The following SYT9 variants were observed in gnomAD, a reference collection of about 807,000 sequenced individuals.
The protein encoded by SYT9 is synaptotagmin 9, also known as synaptotagmin-9.
In SYT9, 22 loss-of-function variants were observed where a neutral mutation model predicts 48.4. The observed-to-expected ratio is 0.45, with a 90% CI of 0.32 to 0.65. The LOEUF (loss-of-function observed/expected upper bound fraction) is 0.65, where lower values mean the gene tolerates loss of function less well. SYT9 is among the 30% of genes least tolerant of loss of function. The pLI is 0.03. For synonymous variants in SYT9, 265 were observed against 245.0 expected, an observed-to-expected ratio of 1.08 and a Z score of -0.76; for missense variants, 577 against 622.0, an observed-to-expected ratio of 0.93 and a Z score of 0.77.
intron 1 of SYT9, among the ~76,000 whole-genome samples, chr11:7,300,362 A>G (rs761732318): frequency 1.3e-5 from 2 of 152,212 alleles, no homozygotes; most frequent in African/African-American, 4.8e-5. Context: ...TGGGAGCACA[A>G]GGGACCTTTG....
chr11:7,433,387 A>G (rs1255833468), intron 6 of SYT9, among the ~76,000 whole-genome samples: 2 of 152,256 alleles, frequency 1.3e-5, no homozygotes, highest in Non-Finnish European at 2.9e-5. Flanking sequence ...AAGATTGACT[A>G]TAAATTTTAA....
intron 1 of SYT9, among the ~76,000 whole-genome samples, chr11:7,287,478 C>A (rs1848617792): frequency 6.6e-6 from 1 of 152,152 alleles, no homozygotes; most frequent in Admixed American, 6.5e-5. Flanking sequence ...AAGTTCAGAA[C>A]CCTGACCAAC....
At chr11:7,275,469 C>T (rs1848370331) in intron 1 of SYT9, among the ~76,000 whole-genome samples, 1 of 152,220 alleles carries the variant, frequency 6.6e-6, no homozygotes, top group South Asian at 2.1e-4. Flanking sequence ...ATTTGCAACA[C>T]CAAATCCCAT....
At chr11:7,247,981 C>T (rs1426058371), upstream of SYT9, among the ~76,000 whole-genome samples, 2 of 152,078 alleles carry the variant, frequency 1.3e-5, no homozygotes, top group African/African-American at 4.8e-5. Context: ...GCATCCACAC[C>T]AACATCTACT....
rs149248446 is a variant in SYT9 at position 7,277,644 on chromosome 11, A to C, written c.145+25313A>C. 4.6e-5 allele frequency among the ~76,000 whole-genome samples: 7 copies of C among 152,364 alleles called. No individual in the cohort carries two copies. The East Asian group carries it at 1.3e-3, about 29-fold the overall frequency. On this transcript the variant is annotated intron_variant, in intron 1 of 6. Transcript: ENST00000318881. ...GTTAGGCATGTGGGCAATATGACTC[A>C]ATGAATAGTTCTTCAGGATTAGTGT...
chr11:7,373,282 T>C, intron 3 of SYT9, among the ~76,000 whole-genome samples: 1 of 152,164 alleles, frequency 6.6e-6, no homozygotes, highest in East Asian at 1.9e-4. Flanking sequence ...CTAAACTTAA[T>C]AGAAGAGTTG....
Position 7,313,793 on chromosome 11 carries a change from A to G in SYT9, c.896A>G (p.Glu299Gly). The G allele has an allele frequency of 6.2e-7, 1 of 1,614,214 alleles. No homozygotes were observed. Among genetic ancestry groups the G allele is most frequent in the Non-Finnish European group, 8.5e-7 (1 of 1,180,036 alleles). The change falls in exon 3 of 7, where the codon GAA becomes GGA. Residue 299 changes from glutamate to glycine, a missense_variant. Physicochemically the swap from Glu to Gly is moderately conservative, Grantham distance 98. Transcript: ENST00000318881. ...FLFPVPYNDL[E>G]ARKLHFSVYD... The stretch of plus-strand genomic sequence containing the variant: ...TTTCCGGTTCCCTACAATGACCTTG[A>G]AGCACGGAAGCTTCACTTCTCTGTG...
At chr11:7,339,040 T>C (rs1849673314) in intron 3 of SYT9, among the ~76,000 whole-genome samples, 2 of 152,196 alleles carry the variant, frequency 1.3e-5, no homozygotes, top group South Asian at 4.1e-4. Flanking sequence ...GTTGGATGCA[T>C]ATATATTTAG....
rs148081176 is a variant in SYT9, at chr11:7,368,060, C to G, written c.1045-47982C>G. Reference sequence around the variant, plus strand: ...AGAGTGGCAGACCCTGCAATCTAACCTAGGTAGTCTGACTCCAGAGGCCAC... The same window carrying G: ...AGAGTGGCAGACCCTGCAATCTAACGTAGGTAGTCTGACTCCAGAGGCCAC... On this transcript the variant is annotated intron_variant, in intron 3 of 6. Transcript: ENST00000318881. Among the ~76,000 whole-genome samples, 681 of 152,316 alleles carry G rather than the reference C, an allele frequency of 4.5e-3. 6 individuals carry two copies. The highest frequency in any genetic ancestry group is 0.016 in the African/African-American group (655 of 41,574).
chr11:7,387,575 A>T (rs1850685546), intron 3 of SYT9, among the ~76,000 whole-genome samples: 1 of 152,070 alleles, frequency 6.6e-6, no homozygotes. Flanking sequence ...TTCATTCCTT[A>T]TTTCACTAAG....
intron 1 of SYT9, among the ~76,000 whole-genome samples, chr11:7,277,971 T>C (rs538688614): frequency 6.6e-6 from 1 of 152,282 alleles, no homozygotes; most frequent in South Asian, 2.1e-4. Context: ...TGAAACTGAG[T>C]AATTTCTAAA....
intron 6 of SYT9, chr11:7,435,374 T>C: frequency 6.6e-6 from 1 of 152,324 alleles, no homozygotes; most frequent in Non-Finnish European, 1.5e-5. Flanking sequence ...TCAGCCCAGA[T>C]GTTCCTCTTA....
At chr11:7,286,539 G>C (rs1208444492) in intron 1 of SYT9, among the ~76,000 whole-genome samples, 2 of 152,158 alleles carry the variant, frequency 1.3e-5, no homozygotes, top group Non-Finnish European at 2.9e-5. Context: ...TTAACATTTG[G>C]CTTCTTGTTA....
chr11:7,306,613 G>C (rs368608483), intron 2 of SYT9, among the ~76,000 whole-genome samples: 1 of 152,158 alleles, frequency 6.6e-6, no homozygotes, highest in Non-Finnish European at 1.5e-5. Context: ...TTCACACGTT[G>C]TTCCCTCAGC....
chr11:7,314,220 T>C, intron 3 of SYT9: 1 of 555,428 alleles, frequency 1.8e-6, no homozygotes, highest in Non-Finnish European at 3.4e-6. Context: ...GCAGGTGTTA[T>C]CTGTCCTCCG....
intron 3 of SYT9, among the ~76,000 whole-genome samples, chr11:7,389,850 A>G (rs1485255417): frequency 6.6e-6 from 1 of 152,140 alleles, no homozygotes; most frequent in African/African-American, 2.4e-5. Context: ...AAACCTACAT[A>G]AGAATGGCAT....
chr11:7,286,458 C>T (rs1333514351), intron 1 of SYT9, among the ~76,000 whole-genome samples: 1 of 152,210 alleles, frequency 6.6e-6, no homozygotes, highest in African/African-American at 2.4e-5. Flanking sequence ...GGCCTCAAGG[C>T]CTGTGATGGA....
chr11:7,337,925 C>T (rs573195117), intron 3 of SYT9, among the ~76,000 whole-genome samples: 13 of 152,288 alleles, frequency 8.5e-5, no homozygotes, highest in African/African-American at 3.1e-4. Context: ...AGAATAGCTT[C>T]AGTAGGAATT....
intron 3 of SYT9, among the ~76,000 whole-genome samples, chr11:7,351,229 G>A (rs190390203): frequency 6.6e-6 from 1 of 152,102 alleles, no homozygotes; most frequent in South Asian, 2.1e-4. Context: ...AATTCCCTCG[G>A]TCTTTATATA....
Sources: gnomAD v4.1 joint callset for allele counts (sites outside exome capture counted in the v4.1 genomes callset) on GRCh38, gnomAD v4.1.1 for gene constraint, MANE v1.5 for transcripts, NCBI Gene and HGNC (gene_info 2026-07-23, HGNC 2026-07-21) for gene names.